ENOX2: variants seen among roughly 807,000 people sequenced by gnomAD.
ENOX2 encodes the protein APK1 antigen.
ENOX2 carries 36 observed loss-of-function variants against 45.0 expected under a neutral mutation model. That is an observed-to-expected ratio of 0.80 (90% CI 0.61 to 1.06). The LOEUF is 1.06. Among genes scored for constraint, ENOX2 ranks in the 50% least tolerant of loss-of-function variants. ENOX2 has a pLI of 0.00. For synonymous variants in ENOX2, 174 were observed against 152.3 expected, an observed-to-expected ratio of 1.14 and a Z score of -1.05; for missense variants, 423 against 462.5, an observed-to-expected ratio of 0.91 and a Z score of 0.78.
intron 2 of ENOX2, among the ~76,000 whole-genome samples, chrX:130,845,342 C>T (rs761509768): frequency 7.1e-5 from 8 of 112,577 alleles, no homozygotes; most frequent in Non-Finnish European, 1.5e-4. Context: ...AGTACATACC[C>T]TTTTAAAAAC....
At chrX:130,902,869 T>C (rs1347074072) in intron 1 of ENOX2, among the ~76,000 whole-genome samples, 180 bp downstream of exon 1, 1 of 102,423 alleles carries the variant, frequency 9.8e-6, no homozygotes, top group Non-Finnish European at 2.0e-5. Flanking sequence ...TCAAGAGAAC[T>C]GGCGCCTAGA....
At chrX:130,761,939 A>T (rs986977047) in intron 3 of ENOX2, among the ~76,000 whole-genome samples, 1 of 111,478 alleles carries the variant, frequency 9.0e-6, no homozygotes, top group African/African-American at 3.3e-5. Context: ...TTCATTTCTC[A>T]TATTGGTACT....
chrX:130,634,271 G>A (rs1422788407), intron 12 of ENOX2, among the ~76,000 whole-genome samples: 1 of 112,116 alleles, frequency 8.9e-6, no homozygotes. Flanking sequence ...CCTTTTCAGA[G>A]GATAACATCA....
chrX:130,629,456 A>C (rs2035636644), intron 13 of ENOX2, among the ~76,000 whole-genome samples: 2 of 112,702 alleles, frequency 1.8e-5, no homozygotes, highest in African/African-American at 6.4e-5. Context: ...TTATTTTAAG[A>C]ATCTTTTTTT....
chrX:130,655,501 C>G (rs925400726), intron 10 of ENOX2, among the ~76,000 whole-genome samples: 1 of 111,695 alleles, frequency 9.0e-6, no homozygotes, highest in Non-Finnish European at 1.9e-5. Flanking sequence ...CACACACACA[C>G]GCACACACAC....
intron 3 of ENOX2, among the ~76,000 whole-genome samples, chrX:130,757,838 G>A (rs1224753831): frequency 3.6e-4 from 40 of 109,993 alleles, no homozygotes; most frequent in Non-Finnish European, 1.5e-4. Context: ...GGCTTAAGCA[G>A]TCTTCTTAGC....
At chrX:130,786,180 T>C (rs1184223887) in intron 2 of ENOX2, among the ~76,000 whole-genome samples, 1 of 112,207 alleles carries the variant, frequency 8.9e-6, no homozygotes, top group African/African-American at 3.2e-5. Context: ...TTTTAACCCA[T>C]GTAATGAAAG....
Position 130,645,726 on chromosome X carries a change from G to T in ENOX2, c.1130-8316C>A, listed in dbSNP as rs373984824. 2.1e-4 allele frequency: 161 copies of T among 762,083 alleles called. No homozygotes were observed. The African/African-American group carries it at 3.1e-3, about 14-fold the overall frequency. 62.8% of individuals were successfully genotyped at this position (762,083 alleles called of 1,213,427 possible). ...CGCGCCCCACATCCACGCTGGGATGGTGAACCTAGCAGCCATGGTGTGGCG... is the reference window on the plus strand; with the variant it reads ...CGCGCCCCACATCCACGCTGGGATGTTGAACCTAGCAGCCATGGTGTGGCG... On this transcript the variant is annotated intron_variant, in intron 10 of 14. Transcript: ENST00000394363.
chrX:130,627,792 C>A (rs1407776461), intron 14 of ENOX2, among the ~76,000 whole-genome samples, 166 bp downstream of exon 14: 1 of 111,831 alleles, frequency 8.9e-6, no homozygotes, highest in Non-Finnish European at 1.9e-5. Flanking sequence ...ATGGGTCATC[C>A]CACTTGCAAA....
At chrX:130,801,799 A>G (rs2077221550) in intron 2 of ENOX2, among the ~76,000 whole-genome samples, 1 of 111,734 alleles carries the variant, frequency 8.9e-6, no homozygotes, top group African/African-American at 3.3e-5. Flanking sequence ...TACCTTTCAG[A>G]TTTCATTGTT....
intron 2 of ENOX2, among the ~76,000 whole-genome samples, chrX:130,792,946 A>G (rs981170698): frequency 1.8e-5 from 2 of 112,767 alleles, no homozygotes; most frequent in East Asian, 2.8e-4. Flanking sequence ...CATTTCAATC[A>G]TCCCAGAAAC....
rs372520183 is a variant in ENOX2, at chrX:130,775,789, GT to G, written c.-39+7757del. Among the ~76,000 whole-genome samples the G allele has an allele frequency of 5.6e-5, 6 of 106,963 alleles. No individual in the cohort carries two copies. The East Asian group carries it at 1.2e-3, about 21-fold the overall frequency. 92.9% of individuals were successfully genotyped at this position (106,963 alleles called of 115,157 possible). A position where few individuals can be genotyped will look rare whatever the true frequency, so the allele number is the denominator to read the frequency against. The stretch of plus-strand genomic sequence containing the variant: ...TTTTGTTCCTCCTGAGGTGTTTTGT[GT>G]TTTTTTTTTCTCAGTTTGATTCAGA... On this transcript the variant is annotated intron_variant, in intron 3 of 14. Transcript: ENST00000394363.
intron 3 of ENOX2, among the ~76,000 whole-genome samples, chrX:130,752,815 T>C (rs1037735319): frequency 3.6e-5 from 4 of 111,000 alleles, no homozygotes; most frequent in Non-Finnish European, 3.8e-5. Flanking sequence ...TGACTCTCTT[T>C]CTCTCGCTAT....
At chrX:130,735,235 A>G (rs2038831643) in intron 3 of ENOX2, among the ~76,000 whole-genome samples, 1 of 112,039 alleles carries the variant, frequency 8.9e-6, no homozygotes, top group Admixed American at 9.4e-5. Flanking sequence ...TCTCCATCAG[A>G]AATTTGATCC....
rs992343165 is a variant in ENOX2, at chrX:130,631,468, C to G, written c.1528G>C (p.Gly510Arg). 1.8e-6 allele frequency: 2 copies of G among 1,115,910 alleles called. No individual in the cohort carries two copies. Among genetic ancestry groups the G allele is most frequent in the Non-Finnish European group, 2.5e-6 (2 of 808,405 alleles). 92.0% of individuals were successfully genotyped at this position (1,115,910 alleles called of 1,213,427 possible). ...GGCATGTGTGCATTAGCTTCCTTAC[C>G]CACTAGCAGTGCTTCACGTTCAGAT... ...IKSEREALLV[G>R]IISTFLHVHP... Residue 510 changes from glycine to arginine, a missense_variant and splice_region_variant, in exon 13 of 15, where the codon GGG becomes CGG. Gly to Arg is a moderately radical substitution (Grantham distance 125). Coordinates refer to ENST00000394363, the MANE Select transcript of ENOX2 (RefSeq NM_006375.4).
At chrX:130,771,796 T>G (rs1011706583) in intron 3 of ENOX2, among the ~76,000 whole-genome samples, 2 of 112,272 alleles carry the variant, frequency 1.8e-5, no homozygotes, top group Non-Finnish European at 3.8e-5. Context: ...CAGGTCTCAC[T>G]GTCATTTAAA....
intron 2 of ENOX2, among the ~76,000 whole-genome samples, chrX:130,835,205 G>A (rs1054750457): frequency 2.7e-5 from 3 of 111,171 alleles, no homozygotes; most frequent in Non-Finnish European, 1.9e-5. Flanking sequence ...GAGGGGAGGC[G>A]GTGGGGGGTG....
Position 130,703,178 on chromosome X carries a change from T to G in ENOX2, c.39A>C (p.Thr13=). ...GTGCCATTCCAAGATTATTCATTGCTGTGGCCCATGCAGTTGGATCAGACA... is the reference window on the plus strand; with the variant it reads ...GTGCCATTCCAAGATTATTCATTGCGGTGGCCCATGCAGTTGGATCAGACA... ...LPMSDPTAWA[T]AMNNLGMAPL... Residue 13 remains threonine (T), a synonymous_variant, in exon 4 of 15, where the codon ACA becomes ACC. Transcript: ENST00000394363. The G allele has an allele frequency of 8.3e-7, 1 of 1,208,763 alleles. No homozygotes were observed. Among genetic ancestry groups the G allele is most frequent in the Non-Finnish European group, 1.1e-6 (1 of 892,788 alleles).
intron 2 of ENOX2, among the ~76,000 whole-genome samples, chrX:130,894,959 C>T (rs1360387868): frequency 1.8e-5 from 2 of 111,754 alleles, no homozygotes; most frequent in Non-Finnish European, 3.8e-5. Context: ...TGATTCAGCA[C>T]AGTTAGACTC....
Sources: allele counts gnomAD v4.1 joint callset (sites outside exome capture counted in the v4.1 genomes callset), GRCh38; gene constraint gnomAD v4.1.1; transcripts MANE v1.5; gene names NCBI Gene and HGNC (gene_info 2026-07-23, HGNC 2026-07-21).